Variants in TGFB3 observed in about 807,000 individuals in gnomAD.
TGFB3 encodes transforming growth factor beta 3, also known as transforming growth factor beta-3 proprotein.
A neutral mutation model predicts 40.1 loss-of-function variants in TGFB3; 5 were observed. The ratio of observed to expected loss-of-function variants is 0.12; its 90% CI spans 0.07 to 0.26. The LOEUF (loss-of-function observed/expected upper bound fraction) is 0.26. Among genes scored for constraint, TGFB3 ranks in the 10% least tolerant of loss-of-function variants. The pLI is 1.00. For synonymous variants in TGFB3, 184 were observed against 205.6 expected (o/e 0.89, Z 0.90); for missense variants, 373 against 530.1 (o/e 0.70, Z 2.91).
chr14:75,979,707 C>CCA lies in TGFB3; in HGVS notation c.352+834_352+835insTG, dbSNP rs1291450918. On this transcript the variant is annotated intron_variant, in intron 1 of 6. Coordinates refer to ENST00000238682, the MANE Select transcript of TGFB3 (RefSeq NM_003239.5). This position sits in a 1 kb window ranked among gnomAD's most constrained non-coding sequence, Gnocchi z 4.8. ...GGCTCCCAGACATATCCCCCCCCCC[C>CCA]ACCATGCACCCACTGCCACCCCTCC... Among the ~76,000 whole-genome samples, 4 of 149,382 alleles carry CCA rather than the reference C, an allele frequency of 2.7e-5. No individual in the cohort carries two copies. The highest frequency in any genetic ancestry group is 1.0e-4 in the African/African-American group (4 of 40,158).
chr14:75,982,346 C>T (rs1280903815), upstream of TGFB3, among the ~76,000 whole-genome samples: 7 of 152,292 alleles, frequency 4.6e-5, no homozygotes, highest in South Asian at 4.1e-4. This position sits in a 1 kb window ranked among gnomAD's most constrained non-coding sequence, Gnocchi z 4.0. Context: ...CCTCCTGGTC[C>T]CCCGGTCCCG....
At chr14:75,974,097 G>A (rs1015800131) in intron 1 of TGFB3, among the ~76,000 whole-genome samples, 1 of 152,084 alleles carries the variant, frequency 6.6e-6, no homozygotes, top group African/African-American at 2.4e-5. Flanking sequence ...CTGAGGTGGT[G>A]CCATTGCACT....
rs1470595003 is a variant in TGFB3 at position 75,980,085 on chromosome 14, G to A, written c.352+457C>T. ...TCCCAAGAACTGGAAAAACTGAAAC[G>A]GAGACGTGTCACAATGAGTTGTGAA... On this transcript the variant is annotated intron_variant, in intron 1 of 6. Coordinates refer to ENST00000238682, the MANE Select transcript of TGFB3 (RefSeq NM_003239.5). The surrounding 1 kb of genome is among the most constrained non-coding windows in gnomAD (Gnocchi z 4.3). 1.3e-5 allele frequency among the ~76,000 whole-genome samples: 2 copies of A among 152,152 alleles called. No homozygotes were observed. The highest frequency in any genetic ancestry group is 1.5e-5 in the Non-Finnish European group (1 of 68,042).
intron 6 of TGFB3, among the ~76,000 whole-genome samples, chr14:75,959,664 G>C (rs1316919936): frequency 6.6e-6 from 1 of 151,978 alleles, no homozygotes; most frequent in African/African-American, 2.4e-5. Flanking sequence ...CCAGCTACTT[G>C]GGAGGCTGAG....
In TGFB3 at chr14:75,963,394, A is replaced by G. The variant is rs963158813; in HGVS notation, c.848T>C (p.Ile283Thr). Residue 283 changes from isoleucine (I) to threonine (T), a missense_variant, in exon 5 of 7, where the codon ATT (isoleucine) becomes ACT (threonine). Ile to Thr is a moderately conservative substitution (Grantham distance 89). Coordinates refer to ENST00000238682, the MANE Select transcript of TGFB3 (RefSeq NM_003239.5). ...CGGGTTGTCGAGCCGGTGTGGGGGA[A>G]TCATCATGAGGATTAGATGAGGGTT... ...HHNPHLILMM[I>T]PPHRLDNPGQ... is the part of the protein sequence containing the mutation. 1.9e-6 allele frequency: 3 copies of G among 1,613,996 alleles called. No individual in the cohort carries two copies. In the Admixed American group the frequency reaches 5.0e-5, roughly 27 times the overall value.
At chr14:75,961,126 G>A (rs1345982156) in intron 5 of TGFB3, 50 bp from the exon 6 acceptor site, 1 of 1,601,792 alleles carries the variant, frequency 6.2e-7, no homozygotes, top group Admixed American at 1.7e-5. Flanking sequence ...ACCAATAAAA[G>A]AAACTTCATG....
intron 4 of TGFB3, among the ~76,000 whole-genome samples, chr14:75,964,072 C>T (rs1226204900): frequency 3.9e-5 from 6 of 152,104 alleles, no homozygotes; most frequent in African/African-American, 1.2e-4. Context: ...GACAGGGTTT[C>T]ACCATGTTGG....
chr14:75,973,899 C>G (rs1340756939), intron 1 of TGFB3, among the ~76,000 whole-genome samples: 1 of 151,990 alleles, frequency 6.6e-6, no homozygotes, highest in Non-Finnish European at 1.5e-5. Context: ...CCCAGCACTT[C>G]GGGAAGCCGA....
At position 75,980,951 on chromosome 14, in the gene TGFB3, A is replaced by G; in HGVS notation, c.-58T>C. ...CAAGGCCTGGAGAGGAAGAGACCCC[A>G]GCAGACGTGCAGAAGGAGGGAGGAA... is the stretch of plus-strand genomic sequence containing the variant. On this transcript the variant is annotated 5_prime_UTR_variant, in exon 1 of 7. Transcript: ENST00000238682. This position sits in a 1 kb window ranked among gnomAD's most constrained non-coding sequence, Gnocchi z 4.3. The G allele has an allele frequency of 6.6e-7, 1 of 1,523,184 alleles. No homozygotes were observed. Among genetic ancestry groups the G allele is most frequent in the Non-Finnish European group, 9.1e-7 (1 of 1,101,390 alleles). The allele number at this position is 1,523,184 out of a possible 1,614,324, so 94.4% of individuals were successfully genotyped here.
In TGFB3 at chr14:75,980,438, T is replaced by C. The variant is rs2035410599; in HGVS notation, c.352+104A>G. On this transcript the variant is annotated intron_variant, in intron 1 of 6. Transcript: ENST00000238682. This position sits in a 1 kb window ranked among gnomAD's most constrained non-coding sequence, Gnocchi z 4.3. ...CCTGAGCCTTGGTGCTGGTGAATCC[T>C]GGGGCACCCTGCTGTGTGGCCAGCA... 8.2e-7 allele frequency: 1 copy of C among 1,213,248 alleles called. No individual in the cohort carries two copies. Among genetic ancestry groups the C allele is most frequent in the Admixed American group, 1.7e-5 (1 of 58,192 alleles). 75.2% of individuals were successfully genotyped at this position (1,213,248 alleles called of 1,614,324 possible).
At chr14:75,977,987 A>T (rs1164405487) in intron 1 of TGFB3, among the ~76,000 whole-genome samples, 1 of 152,022 alleles carries the variant, frequency 6.6e-6, no homozygotes, top group African/African-American at 2.4e-5. Flanking sequence ...CAGGGAGAAA[A>T]GGTTATTTAG....
chr14:75,971,720 T>C lies in TGFB3; in HGVS notation c.353-2A>G. On this transcript the variant is annotated splice_acceptor_variant, in intron 1 of 6. Coordinates refer to ENST00000238682, the MANE Select transcript of TGFB3 (RefSeq NM_003239.5). LOFTEE classifies it high-confidence loss of function. This position sits in a 1 kb window ranked among gnomAD's most constrained non-coding sequence, Gnocchi z 4.5. ...CTTTAGGGCAGACAGCCAGTTCGTC[T>C]AGGAGATAAAGCAGAGCAGAGGGCA... 6.2e-7 allele frequency: 1 copy of C among 1,614,136 alleles called. No individual in the cohort carries two copies.
Position 75,971,205 on chromosome 14 carries a change from C to A in TGFB3, c.567G>T (p.Lys189Asn). Residue 189 changes from lysine (K) to asparagine (N), a missense_variant, in exon 3 of 7, where the codon AAG becomes AAT. Transcript: ENST00000238682. This position sits in a 1 kb window ranked among gnomAD's most constrained non-coding sequence, Gnocchi z 4.5. ...HIAKQRYIGG[K>N]NLPTRGTAEW... Reference sequence around the variant, plus strand: ...CGGCAGTGCCCCGTGTGGGCAGATTCTTGCCACCGATATAGCGCTGTTTGG... The same window carrying A: ...CGGCAGTGCCCCGTGTGGGCAGATTATTGCCACCGATATAGCGCTGTTTGG... 1 of 1,614,190 alleles carries A rather than the reference C, an allele frequency of 6.2e-7. No individual in the cohort carries two copies. Among genetic ancestry groups the A allele is most frequent in the Non-Finnish European group, 8.5e-7 (1 of 1,180,044 alleles).
intron 1 of TGFB3, among the ~76,000 whole-genome samples, chr14:75,976,982 G>C (rs2035361086): frequency 2.0e-5 from 3 of 152,288 alleles, no homozygotes; most frequent in South Asian, 4.1e-4. Flanking sequence ...GATTCTATAA[G>C]GGTGGGTGGG....
In TGFB3 at chr14:75,958,704, TAA is replaced by T. The variant is rs199646113; in HGVS notation, c.*481_*482del. On this transcript the variant is annotated 3_prime_UTR_variant, in exon 7 of 7. Coordinates refer to ENST00000238682, the MANE Select transcript of TGFB3 (RefSeq NM_003239.5). ...GGACTTTGTCTTCGTAACCTGTCTTTAAAAAAAAAAAAAAAATGCTTGCCTTG... is the reference window on the plus strand; with the variant it reads ...GGACTTTGTCTTCGTAACCTGTCTTTAAAAAAAAAAAAAATGCTTGCCTTG... 0.01 allele frequency: 1,785 copies of T among 172,862 alleles called. No homozygotes were observed. The highest frequency in any genetic ancestry group is 0.026 in the South Asian group (204 of 7,794). The allele number at this position is 172,862 out of a possible 1,614,324, so 10.7% of individuals were successfully genotyped here.
rs559950949 is a variant in TGFB3 at position 75,971,848 on chromosome 14, G to T, written c.353-130C>A. 3.2e-6 allele frequency: 3 copies of T among 929,186 alleles called. No homozygotes were observed. Among genetic ancestry groups the T allele is most frequent in the Admixed American group, 2.1e-5 (1 of 48,442 alleles). The allele number at this position is 929,186 out of a possible 1,614,324, so 57.6% of individuals were successfully genotyped here. A position where few individuals can be genotyped will look rare whatever the true frequency, so the allele number is the denominator to read the frequency against. ...CCCTAGAGGCTTGAGGCCTCAGACC[G>T]CAAGGTGGAGATACGAGGAAGATTC... On this transcript the variant is annotated intron_variant, in intron 1 of 6. Transcript: ENST00000238682. The surrounding 1 kb of genome is among the most constrained non-coding windows in gnomAD (Gnocchi z 4.5).
At chr14:75,962,201 T>C (rs187644897) in intron 5 of TGFB3, among the ~76,000 whole-genome samples, 263 of 152,302 alleles carry the variant, frequency 1.7e-3, no homozygotes, top group Non-Finnish European at 3.0e-3. Context: ...GCTACAGGCC[T>C]CTTGTGAACA....
Position 75,980,657 on chromosome 14 carries a change from C to A in TGFB3, c.237G>T (p.Leu79=). The A allele has an allele frequency of 1.9e-6, 3 of 1,614,276 alleles. No homozygotes were observed. Among genetic ancestry groups the A allele is most frequent in the Non-Finnish European group, 1.7e-6 (2 of 1,180,052 alleles). Residue 79 remains leucine (L), a synonymous_variant, in exon 1 of 7, where the codon CTG becomes CTT. Coordinates refer to ENST00000238682, the MANE Select transcript of TGFB3 (RefSeq NM_003239.5). This position sits in a 1 kb window ranked among gnomAD's most constrained non-coding sequence, Gnocchi z 4.3. ...VLALYNSTRE[L]LEEMHGEREE... ...CCCTCTCCCCATGCATCTCCTCCAGCAGCTCCCGGGTGCTGTTGTAAAGGG... is the reference window on the plus strand; with the variant it reads ...CCCTCTCCCCATGCATCTCCTCCAGAAGCTCCCGGGTGCTGTTGTAAAGGG...
At chr14:75,982,749 C>T (rs1219333258), upstream of TGFB3, 2 of 152,332 alleles carry the variant, frequency 1.3e-5, no homozygotes, top group African/African-American at 4.8e-5. This position sits in a 1 kb window ranked among gnomAD's most constrained non-coding sequence, Gnocchi z 4.0. Flanking sequence ...ACCCAGGCCC[C>T]GAGGAATCGC....
Sources: allele counts gnomAD v4.1 joint callset (sites outside exome capture counted in the v4.1 genomes callset), GRCh38; gene constraint gnomAD v4.1.1; non-coding constraint Gnocchi (gnomAD v3.1); transcripts MANE v1.5; gene names NCBI Gene and HGNC (gene_info 2026-07-23, HGNC 2026-07-21).